The following PPP6R3 variants were observed in gnomAD, a reference collection of about 807,000 sequenced individuals.
The protein encoded by PPP6R3 is serine/threonine-protein phosphatase 6 regulatory subunit 3.
Under a neutral mutation model 110.7 loss-of-function variants are expected in PPP6R3, and 38 were observed. That is an observed-to-expected ratio of 0.34 (90% CI 0.26 to 0.45). The LOEUF is 0.45. Among genes scored for constraint, PPP6R3 ranks in the 20% least tolerant of loss-of-function variants. The pLI is 1.00. For synonymous variants in PPP6R3, 369 were observed against 373.5 expected (o/e 0.99, Z 0.14); for missense variants, 870 against 1,062.4 (o/e 0.82, Z 2.52).
Position 68,578,807 on chromosome 11 carries a change from A to G in PPP6R3, c.1545+2764A>G, listed in dbSNP as rs73504501. The stretch of plus-strand genomic sequence containing the variant: ...CATCATACCCAAATACGTGCACAGC[A>G]GATTCATATACTCCCTGTGTTTTTA... On this transcript the variant is annotated intron_variant, in intron 14 of 23. Coordinates refer to ENST00000393800, the MANE Select transcript of PPP6R3 (RefSeq NM_001164161.2). Among the ~76,000 whole-genome samples, 1,182 of 152,342 alleles carry G rather than the reference A, an allele frequency of 7.8e-3. 12 individuals carry two copies. Among genetic ancestry groups the G allele is most frequent in the African/African-American group, 0.025 (1,033 of 41,572 alleles).
At chr11:68,611,012 T>C (rs1943141996) in intron 23 of PPP6R3, among the ~76,000 whole-genome samples, 1 of 152,160 alleles carries the variant, frequency 6.6e-6, no homozygotes, top group African/African-American at 2.4e-5. Flanking sequence ...TTTGTTTTTG[T>C]GATTAGAAAT....
chr11:68,579,647 C>A (rs567699022), intron 14 of PPP6R3, among the ~76,000 whole-genome samples: 8 of 152,194 alleles, frequency 5.3e-5, no homozygotes, highest in African/African-American at 1.9e-4. Context: ...GTAAGAGACA[C>A]GTGTGCACAC....
At chr11:68,496,019 CTG>C (rs1460355723) in intron 1 of PPP6R3, among the ~76,000 whole-genome samples, 1 of 152,160 alleles carries the variant, frequency 6.6e-6, no homozygotes, top group Non-Finnish European at 1.5e-5. Context: ...GCGTCTCACT[CTG>C]TTGCCCAGGC....
At position 68,595,685 on chromosome 11, in the gene PPP6R3, A is replaced by G. The variant is rs2099611818; in HGVS notation, c.1917-412A>G. ...TAGAGTTAAGAAATCTCTTTACTCA[A>G]GAAAAAGACAATTCAGTTTTTAAAA... On this transcript the variant is annotated intron_variant, in intron 18 of 23. Transcript: ENST00000393800. Among the ~76,000 whole-genome samples the G allele has an allele frequency of 2.0e-5, 3 of 152,264 alleles. No individual in the cohort carries two copies. In the South Asian group the frequency reaches 6.2e-4, roughly 31 times the overall value.
intron 23 of PPP6R3, among the ~76,000 whole-genome samples, chr11:68,612,393 T>G (rs1943947938): frequency 6.6e-6 from 1 of 152,210 alleles, no homozygotes; most frequent in Non-Finnish European, 1.5e-5. Context: ...CTAAGCACCC[T>G]TTCCCAAGTC....
At position 68,554,228 on chromosome 11, in the gene PPP6R3, G is replaced by A. The variant is rs769145614; in HGVS notation, c.702G>A (p.Glu234=). 21 of 1,613,092 alleles carry A rather than the reference G, an allele frequency of 1.3e-5. No individual in the cohort carries two copies. Among genetic ancestry groups the A allele is most frequent in the Admixed American group, 1.7e-5 (1 of 59,858 alleles). ...TGTTACAAATTCAGAACAGTACAGAGCCCGACCCCCTGCTTGCCACTCTAG... is the reference window on the plus strand; with the variant it reads ...TGTTACAAATTCAGAACAGTACAGAACCCGACCCCCTGCTTGCCACTCTAG... ...DQMLQIQNST[E]PDPLLATLEK... The change falls in exon 7 of 24, where the codon GAG becomes GAA. Residue 234 remains glutamate, a synonymous_variant. Transcript: ENST00000393800.
intron 2 of PPP6R3, among the ~76,000 whole-genome samples, chr11:68,530,074 T>C (rs1032480765): frequency 6.6e-5 from 10 of 152,202 alleles, no homozygotes; most frequent in Admixed American, 1.3e-4. Context: ...TATAGCCCTG[T>C]TGGATATATT....
chr11:68,513,190 A>G (rs1168304085), intron 1 of PPP6R3, among the ~76,000 whole-genome samples: 2 of 152,002 alleles, frequency 1.3e-5, no homozygotes, highest in African/African-American at 2.4e-5. Flanking sequence ...CTTGCCTGTC[A>G]TGGGACTTCC....
chr11:68,580,598 G>A (rs1293119146), intron 14 of PPP6R3, among the ~76,000 whole-genome samples: 2 of 152,118 alleles, frequency 1.3e-5, no homozygotes, highest in Non-Finnish European at 2.9e-5. Flanking sequence ...GTTTCTAGTT[G>A]AAGAAGAGTG....
chr11:68,547,441 A>G (rs543784822), intron 4 of PPP6R3, among the ~76,000 whole-genome samples: 1 of 152,326 alleles, frequency 6.6e-6, no homozygotes, highest in African/African-American at 2.4e-5. Flanking sequence ...CCCAGAGCAG[A>G]AGAGACCAGC....
chr11:68,547,512 C>T (rs67947146), intron 4 of PPP6R3, among the ~76,000 whole-genome samples: 35,000 of 152,128 alleles, frequency 0.23, 4,274 homozygotes, highest in Middle Eastern at 0.32. Flanking sequence ...TCTGCCTCTC[C>T]ACCAGCTGCC....
chr11:68,519,197 T>C (rs922503617), intron 1 of PPP6R3, among the ~76,000 whole-genome samples: 4 of 152,222 alleles, frequency 2.6e-5, no homozygotes, highest in African/African-American at 9.6e-5. Context: ...ATAGAATTGA[T>C]GTTTTCAGAA....
chr11:68,547,250 C>A (rs936077020), intron 4 of PPP6R3, among the ~76,000 whole-genome samples: 7 of 152,182 alleles, frequency 4.6e-5, no homozygotes, highest in Admixed American at 2.0e-4. Context: ...GTTATCCAAC[C>A]CCCCACGCCC....
At chr11:68,576,834 A>G (rs1274864971) in intron 14 of PPP6R3, among the ~76,000 whole-genome samples, 1 of 152,228 alleles carries the variant, frequency 6.6e-6, no homozygotes, top group East Asian at 1.9e-4. Flanking sequence ...AATATGCAGT[A>G]ACACCTTGAC....
rs1565934924 is a variant in PPP6R3 at position 68,573,142 on chromosome 11, ATATATATATATAAT to A, written c.1344-965_1344-952del. On this transcript the variant is annotated intron_variant, in intron 12 of 23. Coordinates refer to ENST00000393800, the MANE Select transcript of PPP6R3 (RefSeq NM_001164161.2). ...TATATATATATATATATATATATAT[ATATATATATATAAT>A]TTTTTTTTTTTTGAGACGGAGTCTT... 2.9e-4 allele frequency among the ~76,000 whole-genome samples: 29 copies of A among 98,454 alleles called. No homozygotes were observed. The South Asian group carries it at 7.4e-3, about 25-fold the overall frequency. 64.6% of individuals were successfully genotyped at this position (98,454 alleles called of 152,430 possible). A position where few individuals can be genotyped will look rare whatever the true frequency, so the allele number is the denominator to read the frequency against.
intron 8 of PPP6R3, among the ~76,000 whole-genome samples, chr11:68,559,838 G>A (rs1415917732): frequency 4.6e-4 from 51 of 111,712 alleles, no homozygotes; most frequent in African/African-American, 1.7e-3. Flanking sequence ...CCAGCGGTAC[G>A]GTGCCCTCTT....
rs745445740 is a variant in PPP6R3 at position 68,537,865 on chromosome 11, A to G, written c.201A>G (p.Gln67=). The G allele has an allele frequency of 6.2e-6, 10 of 1,612,040 alleles. No individual in the cohort carries two copies. The South Asian group carries it at 1.1e-4, about 18-fold the overall frequency. ...CATTCATTATAGAAGAACCACCTCA[A>G]GACATGGATGAAAAGATCAGATACA... ...LVSFIIEEPP[Q]DMDEKIRYKY... is the part of the protein sequence containing the mutation. The change falls in exon 3 of 24, where the codon CAA becomes CAG. Residue 67 remains glutamine, a synonymous_variant. Coordinates refer to ENST00000393800, the MANE Select transcript of PPP6R3 (RefSeq NM_001164161.2).
intron 1 of PPP6R3, among the ~76,000 whole-genome samples, chr11:68,465,766 A>G (rs912752084): frequency 9.2e-5 from 14 of 152,344 alleles, no homozygotes; most frequent in Middle Eastern, 3.4e-3. Flanking sequence ...CATGGTGTCA[A>G]TGGGGCCTGG....
At chr11:68,484,737 G>A (rs575423022) in intron 1 of PPP6R3, among the ~76,000 whole-genome samples, 2 of 151,950 alleles carry the variant, frequency 1.3e-5, no homozygotes, top group African/African-American at 2.4e-5. Context: ...ACAGGTGCCC[G>A]CCACCACGCC....
Sources: allele counts gnomAD v4.1 joint callset (sites outside exome capture counted in the v4.1 genomes callset), GRCh38; gene constraint gnomAD v4.1.1; transcripts MANE v1.5; gene names NCBI Gene and HGNC (gene_info 2026-07-23, HGNC 2026-07-21).